SAMD5: variants seen among roughly 807,000 people sequenced by gnomAD.
SAMD5 encodes the protein sterile alpha motif domain containing 5.
In SAMD5, 13 loss-of-function variants were observed where a neutral mutation model predicts 11.3. The ratio of observed to expected loss-of-function variants is 1.15; its 90% CI spans 0.75 to 1.83. The LOEUF is 1.83. SAMD5 is among the 40% of genes most tolerant of loss of function. The probability of loss-of-function intolerance (pLI) is 0.00; values close to 1 mark genes in which losing one functional copy is unlikely to be tolerated. For missense variants in SAMD5, 255 were observed against 239.1 expected (o/e 1.07, Z -0.44); for synonymous variants, 129 against 111.3 (o/e 1.16, Z -1.00).
At chr6:147,870,666 T>C in the SAMD5 span, among the ~76,000 whole-genome samples, 1 of 149,348 alleles carries the variant, frequency 6.7e-6, no homozygotes, top group Non-Finnish European at 1.5e-5. Context: ...CAATCGGCAA[T>C]TCAGATGAGG....
the SAMD5 span, among the ~76,000 whole-genome samples, chr6:147,776,516 T>C: frequency 6.6e-6 from 1 of 152,230 alleles, no homozygotes; most frequent in Non-Finnish European, 1.5e-5. Flanking sequence ...AATAGGCCCA[T>C]TGAAACATGG....
the SAMD5 span, among the ~76,000 whole-genome samples, chr6:147,894,364 C>T: frequency 6.6e-5 from 10 of 152,156 alleles, no homozygotes; most frequent in Non-Finnish European, 1.0e-4. Flanking sequence ...CCTTGTGATC[C>T]GCCTGCATCG....
the SAMD5 span, among the ~76,000 whole-genome samples, chr6:147,868,216 C>A: frequency 6.6e-6 from 1 of 152,224 alleles, no homozygotes; most frequent in South Asian, 2.1e-4. Context: ...CTTGTGAGTT[C>A]TTTTAGATGG....
intron 1 of SAMD5, among the ~76,000 whole-genome samples, chr6:147,530,079 A>C (rs2128441005): frequency 6.6e-6 from 1 of 152,140 alleles, no homozygotes; most frequent in Non-Finnish European, 1.5e-5. Context: ...ATATATGGGG[A>C]CGATTTTTTC....
chr6:147,857,021 G>T, the SAMD5 span, among the ~76,000 whole-genome samples: 1 of 151,576 alleles, frequency 6.6e-6, no homozygotes, highest in Non-Finnish European at 1.5e-5. Flanking sequence ...TAAGAAAATG[G>T]GTGCCAATGG....
the SAMD5 span, among the ~76,000 whole-genome samples, chr6:147,865,168 G>A: frequency 6.6e-6 from 1 of 152,152 alleles, no homozygotes; most frequent in Non-Finnish European, 1.5e-5. Context: ...GAGAATCAGT[G>A]GCAGGTATGT....
intron 1 of SAMD5, among the ~76,000 whole-genome samples, chr6:147,563,504 G>T (rs961059712): frequency 9.2e-5 from 14 of 152,150 alleles, no homozygotes; most frequent in Non-Finnish European, 1.8e-4. Context: ...TTCCAGGAAA[G>T]ACTCAGGCAT....
the SAMD5 span, among the ~76,000 whole-genome samples, chr6:147,837,059 C>T: frequency 6.6e-6 from 1 of 152,158 alleles, no homozygotes; most frequent in East Asian, 1.9e-4. Flanking sequence ...ATGAGAATTT[C>T]AATATGCTCT....
the SAMD5 span, among the ~76,000 whole-genome samples, chr6:147,880,790 CA>C: frequency 6.6e-6 from 1 of 152,134 alleles, no homozygotes; most frequent in Admixed American, 6.5e-5. Flanking sequence ...AACAACTCAA[CA>C]GATACTTTTT....
chr6:147,737,160 G>A (rs953565115), intron 1 of SAMD5, among the ~76,000 whole-genome samples: 1 of 152,048 alleles, frequency 6.6e-6, no homozygotes. Context: ...TACATATATA[G>A]TAATGTATTT....
At chr6:147,702,075 A>G (rs1011192976) in intron 1 of SAMD5, among the ~76,000 whole-genome samples, 2 of 152,244 alleles carry the variant, frequency 1.3e-5, no homozygotes, top group African/African-American at 4.8e-5. Context: ...ACATTTCCAC[A>G]TGGCTGAGGA....
chr6:147,721,879 A>C (rs552381139), intron 1 of SAMD5, among the ~76,000 whole-genome samples: 5 of 152,212 alleles, frequency 3.3e-5, no homozygotes, highest in Non-Finnish European at 7.3e-5. Context: ...ATTTCCATAA[A>C]GTTATAATTT....
the SAMD5 span, among the ~76,000 whole-genome samples, chr6:147,813,478 A>T: frequency 6.6e-6 from 1 of 152,200 alleles, no homozygotes; most frequent in Non-Finnish European, 1.5e-5. Flanking sequence ...CTATACAAGT[A>T]TATATATGTA....
intron 1 of SAMD5, among the ~76,000 whole-genome samples, chr6:147,680,015 AGTCT>A (rs1790918597): frequency 6.6e-6 from 1 of 151,902 alleles, no homozygotes; most frequent in South Asian, 2.1e-4. Context: ...ATTTATAATA[AGTCT>A]TGAAATCAGG....
the SAMD5 span, among the ~76,000 whole-genome samples, chr6:147,834,716 C>T: frequency 5.3e-5 from 8 of 152,142 alleles, no homozygotes; most frequent in South Asian, 2.1e-4. Context: ...TTTGGCCTCT[C>T]GGATTGTGCT....
the SAMD5 span, among the ~76,000 whole-genome samples, chr6:147,831,259 G>T: frequency 6.6e-6 from 1 of 152,174 alleles, no homozygotes; most frequent in Admixed American, 6.5e-5. Context: ...AAAAAGGTAG[G>T]TCGCATTGTG....
At chr6:147,605,318 T>A (rs1789683818) in intron 1 of SAMD5, among the ~76,000 whole-genome samples, 1 of 152,206 alleles carries the variant, frequency 6.6e-6, no homozygotes, top group African/African-American at 2.4e-5. Flanking sequence ...TCTCACTCTG[T>A]TGGCCAAGCT....
At chr6:147,685,996 A>C (rs1791005949) in intron 1 of SAMD5, among the ~76,000 whole-genome samples, 1 of 152,226 alleles carries the variant, frequency 6.6e-6, no homozygotes, top group Admixed American at 6.5e-5. Context: ...CACCGTGGCA[A>C]CTGATATTTG....
chr6:147,682,341 GTA>G (rs1790952136), intron 1 of SAMD5, among the ~76,000 whole-genome samples: 1 of 152,192 alleles, frequency 6.6e-6, no homozygotes, highest in South Asian at 2.1e-4. Flanking sequence ...GATAAATGCG[GTA>G]CCTGTGATTG....
Sources: gnomAD v4.1 joint callset for allele counts (sites outside exome capture counted in the v4.1 genomes callset) on GRCh38, gnomAD v4.1.1 for gene constraint, MANE v1.5 for transcripts, NCBI Gene and HGNC (gene_info 2026-07-23, HGNC 2026-07-21) for gene names.